FRAS1: variants seen among roughly 807,000 people sequenced by gnomAD.
FRAS1 encodes the protein Fraser extracellular matrix complex subunit 1.
FRAS1 carries 290 observed loss-of-function variants against 435.2 expected under a neutral mutation model. The observed-to-expected ratio is 0.67, with a 90% CI of 0.61 to 0.73. The LOEUF (loss-of-function observed/expected upper bound fraction) is 0.73, where lower values mean the gene tolerates loss of function less well. Among genes scored for constraint, FRAS1 ranks in the 30% least tolerant of loss-of-function variants. The probability of loss-of-function intolerance (pLI) is 0.00; values close to 1 mark genes in which losing one functional copy is unlikely to be tolerated. For missense variants in FRAS1, 4,860 were observed against 5,001.5 expected (o/e 0.97, Z 0.85); for synonymous variants, 1,800 against 1,851.0 (o/e 0.97, Z 0.71).
chr4:78,302,707 T>G (rs1413890992), intron 14 of FRAS1, among the ~76,000 whole-genome samples: 1 of 150,740 alleles, frequency 6.6e-6, no homozygotes, highest in African/African-American at 2.5e-5. Context: ...GGGTTGTTTG[T>G]TTTTTTTTCT....
At chr4:78,328,252 C>T (rs2110251343) in intron 18 of FRAS1, among the ~76,000 whole-genome samples, 1 of 152,264 alleles carries the variant, frequency 6.6e-6, no homozygotes, top group East Asian at 1.9e-4. Flanking sequence ...AATGTTTGTA[C>T]TCATAATGCA....
intron 34 of FRAS1, 106 bp downstream of exon 34, chr4:78,422,106 T>A: frequency 8.5e-7 from 1 of 1,171,358 alleles, no homozygotes; most frequent in Non-Finnish European, 1.1e-6. Flanking sequence ...TTGGTGCCCC[T>A]GCTTTCTAGC....
chr4:78,272,463 T>G (rs1213053354), intron 9 of FRAS1, among the ~76,000 whole-genome samples: 2 of 152,248 alleles, frequency 1.3e-5, no homozygotes, highest in African/African-American at 4.8e-5. Flanking sequence ...TTTAAGTCTT[T>G]AATCCATCTT....
At chr4:78,517,778 A>C (rs75032511) in intron 66 of FRAS1, among the ~76,000 whole-genome samples, 21,185 of 152,132 alleles carry the variant, frequency 0.14, 1,758 homozygotes, top group Non-Finnish European at 0.2. Flanking sequence ...GAGTAATATC[A>C]TGAGGGCTAA....
At chr4:78,122,458 A>T (rs570259993) in intron 2 of FRAS1, among the ~76,000 whole-genome samples, 15 of 151,998 alleles carry the variant, frequency 9.9e-5, no homozygotes, top group African/African-American at 3.6e-4. Flanking sequence ...TGTCTTTATC[A>T]TAGACTGATT....
intron 2 of FRAS1, among the ~76,000 whole-genome samples, chr4:78,190,121 G>A (rs1460300801): frequency 1.3e-5 from 2 of 152,144 alleles, no homozygotes; most frequent in African/African-American, 2.4e-5. Flanking sequence ...TGCTTTTCTG[G>A]TGCACTTAGT....
intron 2 of FRAS1, among the ~76,000 whole-genome samples, chr4:78,102,353 G>A (rs1042516116): frequency 6.6e-6 from 1 of 152,188 alleles, no homozygotes; most frequent in East Asian, 1.9e-4. Flanking sequence ...TGTCAGACAG[G>A]TTGTAACCGG....
rs1434342261 is a variant in FRAS1 at position 78,121,510 on chromosome 4, C to G, written c.108+55494C>G. Among the ~76,000 whole-genome samples the G allele has an allele frequency of 3.3e-5, 5 of 152,170 alleles. 1 individual carries two copies. The highest frequency in any genetic ancestry group is 7.3e-5 in the Non-Finnish European group (5 of 68,028). ...AGCCCTAGTCAACAAGTAATGTAAT[C>G]AAGCACACTCTGTCTATGTGCCTCT... On this transcript the variant is annotated intron_variant, in intron 2 of 73. Coordinates refer to ENST00000512123, the MANE Select transcript of FRAS1 (RefSeq NM_025074.7).
At chr4:78,089,449 AT>A (rs201792567) in intron 2 of FRAS1, among the ~76,000 whole-genome samples, 1,740 of 152,254 alleles carry the variant, frequency 0.011, 15 homozygotes, top group South Asian at 0.022. Flanking sequence ...GTTAAAAAAA[AT>A]AACAGTATGT....
chr4:78,270,719 G>A (rs78448628), intron 9 of FRAS1, among the ~76,000 whole-genome samples: 1 of 152,036 alleles, frequency 6.6e-6, no homozygotes, highest in Non-Finnish European at 1.5e-5. Context: ...ATTGTTTTAA[G>A]TGACTTACAT....
chr4:78,173,351 A>T (rs1454136159), intron 2 of FRAS1, among the ~76,000 whole-genome samples: 4 of 152,266 alleles, frequency 2.6e-5, no homozygotes, highest in South Asian at 2.1e-4. Flanking sequence ...AAACATTGGG[A>T]TCTATCCTGA....
intron 10 of FRAS1, among the ~76,000 whole-genome samples, chr4:78,280,858 C>CATT (rs1224062141): frequency 1.3e-5 from 2 of 152,090 alleles, no homozygotes; most frequent in Non-Finnish European, 2.9e-5. Context: ...AGAACATTGG[C>CATT]ATTATTATTA....
chr4:78,276,233 T>C (rs538555277), intron 9 of FRAS1, among the ~76,000 whole-genome samples: 1 of 152,250 alleles, frequency 6.6e-6, no homozygotes, highest in South Asian at 2.1e-4. Flanking sequence ...TTTTTCAAGG[T>C]TTTTATCTTC....
At position 78,307,530 on chromosome 4, in the gene FRAS1, G is replaced by T. The variant is rs545997092; in HGVS notation, c.1535-536G>T. ...AGACTCCGTGGGCGTAGGACTCTCC[G>T]AGCCAGGTGCCGGATTTAATCTCCT... On this transcript the variant is annotated intron_variant, in intron 14 of 73. Coordinates refer to ENST00000512123, the MANE Select transcript of FRAS1 (RefSeq NM_025074.7). Among the ~76,000 whole-genome samples the T allele has an allele frequency of 2.6e-5, 4 of 152,318 alleles. No individual in the cohort carries two copies. In the East Asian group the frequency reaches 7.7e-4, roughly 29 times the overall value.
chr4:78,534,458 ACCC>A lies in FRAS1; in HGVS notation c.10936_10938del (p.Pro3646del). On this transcript the variant is annotated inframe_deletion, in exon 71 of 74. Transcript: ENST00000512123. ...TTCTCCTTGCATTTAGATTCCTGAT[ACCC>A]ATTGCATTCCAGCAGACCAACCGCC... 6.2e-7 allele frequency: 1 copy of A among 1,612,116 alleles called. No homozygotes were observed. Among genetic ancestry groups the A allele is most frequent in the Admixed American group, 1.7e-5 (1 of 59,792 alleles).
At chr4:78,280,138 C>G (rs549209069) in intron 10 of FRAS1, among the ~76,000 whole-genome samples, 1 of 152,262 alleles carries the variant, frequency 6.6e-6, no homozygotes, top group African/African-American at 2.4e-5. Context: ...CTTATTAAGT[C>G]AAGAACTTTC....
At chr4:78,090,413 A>G (rs1741456238) in intron 2 of FRAS1, among the ~76,000 whole-genome samples, 1 of 152,226 alleles carries the variant, frequency 6.6e-6, no homozygotes, top group Admixed American at 6.5e-5. Flanking sequence ...TGGTCTGGAA[A>G]TTATACTAAG....
intron 1 of FRAS1, among the ~76,000 whole-genome samples, chr4:78,059,087 C>T (rs544024646): frequency 1.2e-4 from 19 of 152,330 alleles, no homozygotes; most frequent in African/African-American, 3.8e-4. Flanking sequence ...GTTCACCTGC[C>T]CAGCCGCAAA....
At position 78,288,415 on chromosome 4, in the gene FRAS1, T is replaced by A. The variant is rs542491218; in HGVS notation, c.1534+1876T>A. Reference sequence around the variant, plus strand: ...GAAATACACACATACCACATACATATGACTTTTCTGGGGGGAGGGCATTTT... The same window carrying A: ...GAAATACACACATACCACATACATAAGACTTTTCTGGGGGGAGGGCATTTT... On this transcript the variant is annotated intron_variant, in intron 14 of 73. Coordinates refer to ENST00000512123, the MANE Select transcript of FRAS1 (RefSeq NM_025074.7). Among the ~76,000 whole-genome samples the A allele has an allele frequency of 5.3e-5, 8 of 152,344 alleles. 2 individuals are homozygous for A. Among genetic ancestry groups the A allele is most frequent in the African/African-American group, 1.9e-4 (8 of 41,594 alleles).
Sources: gnomAD v4.1 joint callset for allele counts (sites outside exome capture counted in the v4.1 genomes callset) on GRCh38, gnomAD v4.1.1 for gene constraint, MANE v1.5 for transcripts, NCBI Gene and HGNC (gene_info 2026-07-23, HGNC 2026-07-21) for gene names.